The following KRT72 variants were observed in gnomAD, a reference collection of about 807,000 sequenced individuals.
The protein encoded by KRT72 is keratin 72, also known as keratin, type II cytoskeletal 72.
Under a neutral mutation model 44.7 loss-of-function variants are expected in KRT72, and 44 were observed. The ratio of observed to expected loss-of-function variants is 0.98; its 90% CI spans 0.77 to 1.27. KRT72 has a LOEUF of 1.27. Among genes scored for constraint, KRT72 ranks in the 50% most tolerant of loss-of-function variants. KRT72 has a pLI of 0.00. For missense variants in KRT72, 736 were observed against 667.1 expected, an observed-to-expected ratio of 1.10 and a Z score of -1.14; for synonymous variants, 302 against 280.4, an observed-to-expected ratio of 1.08 and a Z score of -0.77.
chr12:52,597,855 G>A (rs1940272948), intron 2 of KRT72, among the ~76,000 whole-genome samples: 1 of 152,180 alleles, frequency 6.6e-6, no homozygotes, highest in South Asian at 2.1e-4. Context: ...AAAGTTCACA[G>A]AGGACACAGA....
In KRT72 at chr12:52,585,901, T is replaced by C; in HGVS notation, c.*81A>G. 7.7e-7 allele frequency: 1 copy of C among 1,300,554 alleles called. No individual in the cohort carries two copies. The highest frequency in any genetic ancestry group is 1.1e-6 in the Non-Finnish European group (1 of 923,744). The allele number at this position is 1,300,554 out of a possible 1,614,324, so 80.6% of individuals were successfully genotyped here. ...GTGACAGACAAAGCATTTCTTGACT[T>C]GGAAAGGGAGCCCAGGGAAGGAGAG... On this transcript the variant is annotated 3_prime_UTR_variant, in exon 9 of 9. Transcript: ENST00000293745.
At position 52,592,621 on chromosome 12, in the gene KRT72, C is replaced by T. The variant is rs1940086068; in HGVS notation, c.703-130G>A. ...TTCATGGGGGGCTCCCTGAGAGTCC[C>T]CTTCAGTCCCTGAGAGTAAACCAAC... On this transcript the variant is annotated intron_variant, in intron 3 of 8. Coordinates refer to ENST00000293745, the MANE Select transcript of KRT72 (RefSeq NM_080747.3). The T allele has an allele frequency of 1.0e-5, 7 of 693,890 alleles. No homozygotes were observed. The East Asian group carries it at 1.6e-4, about 16-fold the overall frequency. 43.0% of individuals were successfully genotyped at this position (693,890 alleles called of 1,614,324 possible).
intron 6 of KRT72, 88 bp downstream of exon 6, chr12:52,590,748 C>T (rs1939973021): frequency 7.7e-7 from 1 of 1,301,416 alleles, no homozygotes; most frequent in Non-Finnish European, 1.0e-6. Flanking sequence ...CTAAGGAGGG[C>T]ACTGTGTTTT....
At chr12:52,596,473 G>A (rs189167579) in intron 2 of KRT72, among the ~76,000 whole-genome samples, 37 of 151,190 alleles carry the variant, frequency 2.4e-4, no homozygotes, top group African/African-American at 7.5e-4. Context: ...AATACATTTC[G>A]TTGTTTGGAT....
chr12:52,587,771 A>T lies in KRT72; in HGVS notation c.1170T>A (p.Asp390Glu). The change falls in exon 7 of 9, where the codon GAT (aspartate) becomes GAA (glutamate). Residue 390 changes from aspartate (D) to glutamate (E), a missense_variant. Coordinates refer to ENST00000293745, the MANE Select transcript of KRT72 (RefSeq NM_080747.3). ...CCTGGTGCAGGGCGCCCTCCAGCTC[A>T]TCCAGCTTGGCCCGGGCATCTTTCA... is the stretch of plus-strand genomic sequence containing the variant. ...CALKDARAKL[D>E]ELEGALHQAK... 1.9e-6 allele frequency: 3 copies of T among 1,614,038 alleles called. No individual in the cohort carries two copies. Among genetic ancestry groups the T allele is most frequent in the Non-Finnish European group, 1.7e-6 (2 of 1,179,952 alleles).
chr12:52,593,209 A>G (rs1460710635), intron 2 of KRT72, among the ~76,000 whole-genome samples: 1 of 152,220 alleles, frequency 6.6e-6, no homozygotes, highest in Non-Finnish European at 1.5e-5. Flanking sequence ...GATGTCATGC[A>G]GACTCTACTG....
intron 8 of KRT72, among the ~76,000 whole-genome samples, chr12:52,586,658 C>A (rs1003888648): frequency 6.6e-5 from 10 of 152,196 alleles, no homozygotes; most frequent in Non-Finnish European, 1.3e-4. Context: ...CAATCTGAGG[C>A]CTTTGCTTTG....
At chr12:52,595,691 G>A (rs1940205636) in intron 2 of KRT72, among the ~76,000 whole-genome samples, 1 of 152,172 alleles carries the variant, frequency 6.6e-6, no homozygotes, top group Admixed American at 6.5e-5. Context: ...TATTTTTTAA[G>A]GATAAAGAAT....
intron 2 of KRT72, among the ~76,000 whole-genome samples, chr12:52,597,613 G>A (rs1940266422): frequency 6.6e-6 from 1 of 152,130 alleles, no homozygotes; most frequent in Admixed American, 6.5e-5. Flanking sequence ...TTTTATAGAT[G>A]AGGCAAAAGA....
intron 5 of KRT72, 70 bp downstream of exon 5, chr12:52,591,394 A>G: frequency 6.7e-7 from 1 of 1,484,086 alleles, no homozygotes; most frequent in East Asian, 2.3e-5. Flanking sequence ...ACACACACGT[A>G]CACATGCACA....
At chr12:52,592,537 C>CCCAT (rs1308597374) in intron 3 of KRT72, 46 bp from the exon 4 acceptor site, 56 of 1,358,444 alleles carry the variant, frequency 4.1e-5, no homozygotes, top group Admixed American at 3.5e-5. Flanking sequence ...GCCTCCCCTG[C>CCCAT]CCATCCCTCC....
Position 52,591,484 on chromosome 12 carries a change from C to T in KRT72, c.943G>A (p.Glu315Lys), listed in dbSNP as rs145259719. 5.6e-6 allele frequency: 9 copies of T among 1,613,794 alleles called. No homozygotes were observed. In the African/African-American group the frequency reaches 1.1e-4, roughly 19 times the overall value. Residue 315 changes from glutamate (E) to lysine (K), a missense_variant, in exon 5 of 9, where the codon GAG (glutamate) becomes AAG (lysine). Coordinates refer to ENST00000293745, the MANE Select transcript of KRT72 (RefSeq NM_080747.3). ...EIALKSKAEA[E>K]TLYQTKIQEL... is the part of the protein sequence containing the mutation. The stretch of plus-strand genomic sequence containing the variant: ...CTCACCTTGGTCTGGTACAGGGTCT[C>T]AGCCTCGGCCTTGCTCTTTAGGGCA...
intron 7 of KRT72, 29 bp from the exon 8 acceptor site, chr12:52,587,009 T>TCC: frequency 6.2e-7 from 1 of 1,610,164 alleles, no homozygotes; most frequent in Non-Finnish European, 8.5e-7. Context: ...AACAGGTAAA[T>TCC]CCCCCATAAA....
chr12:52,594,596 C>G (rs895459395), intron 2 of KRT72, among the ~76,000 whole-genome samples: 1 of 148,886 alleles, frequency 6.7e-6, no homozygotes, highest in Non-Finnish European at 1.5e-5. Flanking sequence ...CACCACACAC[C>G]GAGGCCTGTT....
chr12:52,592,365 A>G (rs1940065502), intron 4 of KRT72, 31 bp downstream of exon 4: 2 of 1,453,574 alleles, frequency 1.4e-6, no homozygotes, highest in South Asian at 1.1e-5. Context: ...AAAGGAGCAG[A>G]TCTCACAAGA....
chr12:52,599,530 T>C (rs1940340144), intron 1 of KRT72: 1 of 448,844 alleles, frequency 2.2e-6, no homozygotes, highest in Non-Finnish European at 4.5e-6. Flanking sequence ...GGTTTGTTCA[T>C]TTCTTTGTTG....
chr12:52,602,790 G>A (rs1298441471), upstream of KRT72, among the ~76,000 whole-genome samples: 4 of 152,206 alleles, frequency 2.6e-5, no homozygotes, highest in African/African-American at 7.2e-5. Flanking sequence ...TCCCCTTGGG[G>A]ACCTCATGGG....
At chr12:52,593,433 G>A (rs1200634794) in intron 2 of KRT72, among the ~76,000 whole-genome samples, 1 of 152,176 alleles carries the variant, frequency 6.6e-6, no homozygotes, top group East Asian at 1.9e-4. Context: ...CAGAAGCAAG[G>A]TCTAAGACAC....
At chr12:52,593,113 C>T (rs747949430) in intron 2 of KRT72, among the ~76,000 whole-genome samples, 161 bp from the exon 3 acceptor site, 39 of 152,184 alleles carry the variant, frequency 2.6e-4, no homozygotes, top group Non-Finnish European at 4.8e-4. Context: ...CAGGCAAGGA[C>T]ATAGTTAAAG....
Sources: allele counts gnomAD v4.1 joint callset (sites outside exome capture counted in the v4.1 genomes callset), GRCh38; gene constraint gnomAD v4.1.1; transcripts MANE v1.5; gene names NCBI Gene and HGNC (gene_info 2026-07-23, HGNC 2026-07-21).